ZNF846: variants seen among roughly 807,000 people sequenced by gnomAD.
The protein encoded by ZNF846 is zinc finger protein 420 pseudogene.
Under a neutral mutation model 16.0 loss-of-function variants are expected in ZNF846, and 15 were observed. The observed-to-expected ratio is 0.94, with a 90% CI of 0.63 to 1.45. The LOEUF is 1.45. ZNF846 is among the 40% of genes most tolerant of loss of function. The probability of loss-of-function intolerance (pLI) is 0.00; values close to 1 mark genes in which losing one functional copy is unlikely to be tolerated. For synonymous variants in ZNF846, 229 were observed against 212.0 expected, an observed-to-expected ratio of 1.08 and a Z score of -0.70; for missense variants, 714 against 622.3, an observed-to-expected ratio of 1.15 and a Z score of -1.57.
intron 3 of ZNF846, 94 bp from the exon 4 acceptor site, chr19:9,762,262 A>G: frequency 1.2e-6 from 1 of 867,524 alleles, no homozygotes; most frequent in Non-Finnish European, 1.9e-6. Context: ...CGGGGATTCT[A>G]AAGATGGTCA....
intron 1 of ZNF846, among the ~76,000 whole-genome samples, chr19:9,778,108 A>G (rs762280781): frequency 2.6e-5 from 4 of 152,162 alleles, no homozygotes; most frequent in Non-Finnish European, 5.9e-5. Flanking sequence ...AAGAGACCTA[A>G]TGGTATATCT....
upstream of ZNF846, among the ~76,000 whole-genome samples, chr19:9,769,527 G>C (rs938103520): frequency 1.1e-4 from 17 of 151,944 alleles, no homozygotes; most frequent in African/African-American, 4.1e-4. Context: ...CACCACCCTA[G>C]GGAAATTCTT....
At chr19:9,754,564 TAAAAA>T (rs545236944), downstream of ZNF846, among the ~76,000 whole-genome samples, 2 of 88,708 alleles carry the variant, frequency 2.3e-5, no homozygotes, top group Admixed American at 1.3e-4. Context: ...GACTCTGTCT[TAAAAA>T]AAAAAAAAAA....
chr19:9,761,958 G>C, intron 4 of ZNF846, 124 bp downstream of exon 4: 1 of 699,178 alleles, frequency 1.4e-6, no homozygotes, highest in Non-Finnish European at 2.5e-6. Context: ...AAACCAAATG[G>C]CCTCAGCCTT....
At chr19:9,756,622 T>C (rs1321636022), downstream of ZNF846, 1 of 151,336 alleles carries the variant, frequency 6.6e-6, no homozygotes, top group East Asian at 1.9e-4. Context: ...ATTTCTTACA[T>C]ATATAGGCTA....
intron 1 of ZNF846, among the ~76,000 whole-genome samples, chr19:9,783,548 T>A (rs200069643): frequency 6.5e-5 from 9 of 139,320 alleles, no homozygotes; most frequent in Non-Finnish European, 1.1e-4. Flanking sequence ...AAAAAAAATA[T>A]ATATATATAT....
intron 2 of ZNF846, among the ~76,000 whole-genome samples, chr19:9,763,738 C>T (rs917233221): frequency 2.6e-5 from 4 of 152,212 alleles, no homozygotes; most frequent in African/African-American, 9.6e-5. Flanking sequence ...CAGTGACACA[C>T]AAATTCCTTC....
intron 3 of ZNF846, among the ~76,000 whole-genome samples, chr19:9,763,074 G>A (rs1028216613): frequency 1.3e-5 from 2 of 152,022 alleles, no homozygotes; most frequent in East Asian, 1.9e-4. Context: ...AATCCAGGAG[G>A]GGGGGCTTTG....
intron 1 of ZNF846, among the ~76,000 whole-genome samples, chr19:9,766,385 G>A (rs1323511166): frequency 7.1e-6 from 1 of 140,394 alleles, no homozygotes; most frequent in Non-Finnish European, 1.5e-5. Flanking sequence ...CTGCACTCCA[G>A]CCTGGTGACA....
chr19:9,781,881 G>T (rs137909408), intron 1 of ZNF846, among the ~76,000 whole-genome samples: 8 of 151,692 alleles, frequency 5.3e-5, no homozygotes, highest in Non-Finnish European at 7.4e-5. Flanking sequence ...GGGTTCAAGG[G>T]ATTCTCCTGT....
upstream of ZNF846, among the ~76,000 whole-genome samples, chr19:9,769,802 C>A (rs560975977): frequency 1.1e-3 from 167 of 151,894 alleles, no homozygotes; most frequent in Non-Finnish European, 1.8e-3. Context: ...ATGCCGAAAC[C>A]CCATCTCTAC....
chr19:9,758,664 C>T (rs2045174324), exon 6 of ZNF846: 1 of 1,612,792 alleles, frequency 6.2e-7, no homozygotes, highest in African/African-American at 1.3e-5. Context: ...AGTTTTCTCT[C>T]CAATGTGAGT....
At chr19:9,779,238 T>G (rs1242840172) in intron 1 of ZNF846, among the ~76,000 whole-genome samples, 1 of 152,052 alleles carries the variant, frequency 6.6e-6, no homozygotes, top group East Asian at 1.9e-4. Context: ...AAATGTTACT[T>G]CCAGAAGTTA....
intron 4 of ZNF846, 44 bp downstream of exon 4, chr19:9,762,038 G>A (rs772425580): frequency 5.5e-6 from 8 of 1,450,680 alleles, no homozygotes; most frequent in Non-Finnish European, 7.8e-6. Context: ...GTCTCCTAGG[G>A]TGGCACAGCA....
In ZNF846 at chr19:9,762,219, T is replaced by C. The variant is rs746398088; in HGVS notation, c.143-51A>G. On this transcript the variant is annotated intron_variant, in intron 3 of 5. Transcript: ENST00000397902. ...GAGGCCCATGCAAGACATAACACCATGTCCTTCAATGGGGAACCAATACTT... is the reference window on the plus strand; with the variant it reads ...GAGGCCCATGCAAGACATAACACCACGTCCTTCAATGGGGAACCAATACTT... 9 of 1,377,694 alleles carry C rather than the reference T, an allele frequency of 6.5e-6. No individual in the cohort carries two copies. The East Asian group carries it at 1.1e-4, about 18-fold the overall frequency. The allele number at this position is 1,377,694 out of a possible 1,614,324, so 85.3% of individuals were successfully genotyped here.
intron 1 of ZNF846, among the ~76,000 whole-genome samples, chr19:9,778,337 T>C (rs952239650): frequency 2.0e-5 from 3 of 152,198 alleles, no homozygotes; most frequent in African/African-American, 7.2e-5. Context: ...AGCTGTTGCA[T>C]CCCAGACCTC....
intron 1 of ZNF846, among the ~76,000 whole-genome samples, chr19:9,776,004 T>C (rs2045436861): frequency 6.6e-6 from 1 of 152,106 alleles, no homozygotes; most frequent in Admixed American, 6.6e-5. Flanking sequence ...TGAGGGGACA[T>C]AGTGAGGAGT....
At chr19:9,784,303 G>A (rs984381231) in intron 1 of ZNF846, among the ~76,000 whole-genome samples, 10 of 152,222 alleles carry the variant, frequency 6.6e-5, no homozygotes, top group Non-Finnish European at 1.5e-4. Flanking sequence ...ATGGTAGGGA[G>A]AGGGTCAGCA....
At chr19:9,782,032 C>T (rs754383167) in intron 1 of ZNF846, among the ~76,000 whole-genome samples, 16 of 152,166 alleles carry the variant, frequency 1.1e-4, no homozygotes, top group Admixed American at 6.6e-5. Flanking sequence ...CCACCTCAGC[C>T]TCCCAAAGTG....
Sources: gnomAD v4.1 joint callset for allele counts (sites outside exome capture counted in the v4.1 genomes callset) on GRCh38, gnomAD v4.1.1 for gene constraint, MANE v1.5 for transcripts, NCBI Gene and HGNC (gene_info 2026-07-23, HGNC 2026-07-21) for gene names.